Variants in SNTG2 observed in about 807,000 individuals in gnomAD.
The protein encoded by SNTG2 is gamma-2-syntrophin.
Under a neutral mutation model 70.9 loss-of-function variants are expected in SNTG2, and 74 were observed. The observed-to-expected ratio is 1.04, with a 90% CI of 0.86 to 1.27. The LOEUF (loss-of-function observed/expected upper bound fraction) is 1.27. Among genes scored for constraint, SNTG2 ranks in the 50% most tolerant of loss-of-function variants. SNTG2 has a pLI of 0.00. For missense variants in SNTG2, 717 were observed against 690.7 expected (o/e 1.04, Z -0.43); for synonymous variants, 278 against 273.8 (o/e 1.02, Z -0.15).
intron 1 of SNTG2, among the ~76,000 whole-genome samples, chr2:1,000,075 C>A (rs1278381902): frequency 6.6e-6 from 1 of 151,722 alleles, no homozygotes; most frequent in Non-Finnish European, 1.5e-5. Flanking sequence ...TTTAAATTTT[C>A]TTTACCTGAA....
chr2:1,231,488 C>T (rs527893614), intron 9 of SNTG2, among the ~76,000 whole-genome samples: 15 of 152,308 alleles, frequency 9.8e-5, no homozygotes, highest in African/African-American at 2.6e-4. Context: ...TGACATGCCC[C>T]GCAGTGTGGG....
At position 1,162,031 on chromosome 2, in the gene SNTG2, G is replaced by A. The variant is rs112279955; in HGVS notation, c.412-3517G>A. Among the ~76,000 whole-genome samples the A allele has an allele frequency of 1.9e-3, 241 of 125,424 alleles. 1 individual carries two copies. Among genetic ancestry groups the A allele is most frequent in the South Asian group, 8.4e-3 (32 of 3,820 alleles). The allele number at this position is 125,424 out of a possible 152,430, so 82.3% of individuals were successfully genotyped here. A position where few individuals can be genotyped will look rare whatever the true frequency, so the allele number is the denominator to read the frequency against. On this transcript the variant is annotated intron_variant, in intron 6 of 16. Coordinates refer to ENST00000308624, the MANE Select transcript of SNTG2 (RefSeq NM_018968.4). ...GGAGCTTGCAGTGGGCCCAGATGGC[G>A]CCACTGCACTCCAGCCTGGGCGACA...
At chr2:1,011,285 T>G (rs4401240) in intron 1 of SNTG2, among the ~76,000 whole-genome samples, 44,858 of 152,118 alleles carry the variant, frequency 0.29, 7,129 homozygotes, top group Admixed American at 0.42. Flanking sequence ...AGCTGCTAGG[T>G]CCAATTTCTG....
chr2:1,199,297 T>C (rs1465590285), intron 8 of SNTG2, among the ~76,000 whole-genome samples: 1 of 151,724 alleles, frequency 6.6e-6, no homozygotes, highest in African/African-American at 2.4e-5. Flanking sequence ...ACCATCTCAG[T>C]AGAAGCAGAA....
intron 16 of SNTG2, among the ~76,000 whole-genome samples, chr2:1,358,864 T>G (rs1660995179): frequency 6.6e-6 from 1 of 152,180 alleles, no homozygotes; most frequent in South Asian, 2.1e-4. Context: ...CAGTCTATAG[T>G]GTTGTTCAAA....
intron 9 of SNTG2, among the ~76,000 whole-genome samples, chr2:1,237,641 C>G (rs755393506): frequency 6.6e-6 from 1 of 152,260 alleles, no homozygotes; most frequent in African/African-American, 2.4e-5. Context: ...GAGCACTGTT[C>G]TTTCCTTGAC....
intron 1 of SNTG2, among the ~76,000 whole-genome samples, chr2:1,033,478 G>A (rs55886346): frequency 0.38 from 57,859 of 152,068 alleles, 11,337 homozygotes; most frequent in South Asian, 0.44. Context: ...CTGTGAGGCC[G>A]CTGGTGTTGA....
intron 16 of SNTG2, among the ~76,000 whole-genome samples, chr2:1,338,179 G>T (rs1659912330): frequency 6.6e-6 from 1 of 152,038 alleles, no homozygotes; most frequent in Non-Finnish European, 1.5e-5. Context: ...GATTGTTTTG[G>T]CTAGTCAGGA....
intron 6 of SNTG2, among the ~76,000 whole-genome samples, chr2:1,138,148 G>C (rs1668514036): frequency 6.6e-6 from 1 of 152,222 alleles, no homozygotes; most frequent in South Asian, 2.1e-4. Flanking sequence ...GAGCACAGGA[G>C]GTGTCAGGGC....
At chr2:1,187,439 C>A (rs1303661137) in intron 8 of SNTG2, among the ~76,000 whole-genome samples, 1 of 152,146 alleles carries the variant, frequency 6.6e-6, no homozygotes. Flanking sequence ...CTGCCAGCTG[C>A]TGCTCTTTGG....
At position 1,131,892 on chromosome 2, in the gene SNTG2, C is replaced by T. The variant is rs148643938; in HGVS notation, c.326-5730C>T. Among the ~76,000 whole-genome samples, 565 of 152,140 alleles carry T rather than the reference C, an allele frequency of 3.7e-3. 25 individuals are homozygous for T. In the East Asian group the frequency reaches 0.083, roughly 22 times the overall value. ...GTCTCGATCTCCTGACCTCGTGATC[C>T]GCCCGCCTCAGCCTCCCAAAGTGCT... On this transcript the variant is annotated intron_variant, in intron 4 of 16. Coordinates refer to ENST00000308624, the MANE Select transcript of SNTG2 (RefSeq NM_018968.4).
At chr2:1,208,219 G>A (rs1386099536) in intron 8 of SNTG2, among the ~76,000 whole-genome samples, 1 of 147,318 alleles carries the variant, frequency 6.8e-6, no homozygotes, top group Non-Finnish European at 1.5e-5. Context: ...CTGTGAGCGC[G>A]GGTTACACCT....
At chr2:1,290,206 T>C (rs560087248) in intron 14 of SNTG2, among the ~76,000 whole-genome samples, 10 of 152,250 alleles carry the variant, frequency 6.6e-5, no homozygotes, top group East Asian at 5.8e-4. Flanking sequence ...GGAGGCATGG[T>C]TGGGGAGACC....
chr2:1,009,748 T>A (rs1347904900), intron 1 of SNTG2, among the ~76,000 whole-genome samples: 3 of 152,246 alleles, frequency 2.0e-5, no homozygotes, highest in Admixed American at 6.5e-5. Flanking sequence ...CTGCTTCTGA[T>A]ACTGGTGAAT....
At chr2:1,183,392 G>T (rs1007463389) in intron 8 of SNTG2, among the ~76,000 whole-genome samples, 2 of 152,118 alleles carry the variant, frequency 1.3e-5, no homozygotes, top group African/African-American at 4.8e-5. Flanking sequence ...AGGGTGATAT[G>T]ATACGTGTAT....
At chr2:1,143,889 C>T (rs1429020453) in intron 6 of SNTG2, among the ~76,000 whole-genome samples, 1 of 144,454 alleles carries the variant, frequency 6.9e-6, no homozygotes, top group Non-Finnish European at 1.5e-5. Context: ...CAAACAACCC[C>T]CCCCCAGAAA....
chr2:1,312,697 A>G (rs987884693), intron 15 of SNTG2, among the ~76,000 whole-genome samples: 1 of 152,192 alleles, frequency 6.6e-6, no homozygotes, highest in Non-Finnish European at 1.5e-5. Context: ...CACTTCCCAC[A>G]CCGCAGCAAA....
intron 1 of SNTG2, among the ~76,000 whole-genome samples, chr2:1,035,785 C>T (rs994971465): frequency 4.6e-5 from 7 of 152,104 alleles, no homozygotes; most frequent in Admixed American, 4.6e-4. Context: ...TGTATATTTG[C>T]ATTTATCTTC....
chr2:971,748 T>A (rs1316803638), intron 1 of SNTG2, among the ~76,000 whole-genome samples: 1 of 151,870 alleles, frequency 6.6e-6, no homozygotes, highest in Non-Finnish European at 1.5e-5. Context: ...GATATGATGT[T>A]AGGTTGTTAA....
Sources: gnomAD v4.1 joint callset for allele counts (sites outside exome capture counted in the v4.1 genomes callset) on GRCh38, gnomAD v4.1.1 for gene constraint, MANE v1.5 for transcripts, NCBI Gene and HGNC (gene_info 2026-07-23, HGNC 2026-07-21) for gene names.